Variants in DOCK7 observed in about 807,000 individuals in gnomAD.
DOCK7 encodes the protein dedicator of cytokinesis 7.
Under a neutral mutation model 271.0 loss-of-function variants are expected in DOCK7, and 138 were observed. The ratio of observed to expected loss-of-function variants is 0.51; its 90% CI spans 0.44 to 0.59. DOCK7 has a LOEUF of 0.59. DOCK7 is among the 20% of genes least tolerant of loss of function. DOCK7 has a pLI of 0.00. For synonymous variants in DOCK7, 823 were observed against 876.1 expected (o/e 0.94, Z 1.07); for missense variants, 2,066 against 2,592.4 (o/e 0.80, Z 4.41).
At chr1:62,651,519 GAA>G (rs529180862) in intron 4 of DOCK7, among the ~76,000 whole-genome samples, 1 of 120,870 alleles carries the variant, frequency 8.3e-6, no homozygotes. Context: ...GGGGGAGCCC[GAA>G]AAAAAAAAAA....
At chr1:62,589,119 C>T (rs1340086541) in intron 14 of DOCK7, among the ~76,000 whole-genome samples, 3 of 152,162 alleles carry the variant, frequency 2.0e-5, no homozygotes, top group South Asian at 4.1e-4. Flanking sequence ...ATCTGGAGTA[C>T]ATTTATGAAG....
chr1:62,667,195 G>A (rs540950638), intron 1 of DOCK7, among the ~76,000 whole-genome samples: 2 of 152,184 alleles, frequency 1.3e-5, no homozygotes, highest in African/African-American at 2.4e-5. Context: ...AGTAAAGCCT[G>A]AGAAAAAATG....
intron 1 of DOCK7, among the ~76,000 whole-genome samples, chr1:62,681,808 GAATT>G (rs1661200790): frequency 2.0e-5 from 3 of 152,098 alleles, no homozygotes; most frequent in Non-Finnish European, 4.4e-5. Flanking sequence ...AGAATATCAT[GAATT>G]AATCTCACAA....
chr1:62,648,523 T>C lies in DOCK7; in HGVS notation c.411A>G (p.Gly137=). The C allele has an allele frequency of 2.2e-6, 3 of 1,377,248 alleles. No homozygotes were observed. The highest frequency in any genetic ancestry group is 1.9e-6 in the Non-Finnish European group (2 of 1,033,984). The allele number at this position is 1,377,248 out of a possible 1,614,324, so 85.3% of individuals were successfully genotyped here. A position where few individuals can be genotyped will look rare whatever the true frequency, so the allele number is the denominator to read the frequency against. The change falls in exon 5 of 50, where the codon GGA becomes GGG. Residue 137 remains glycine, a synonymous_variant. Transcript: ENST00000635253. The stretch of plus-strand genomic sequence containing the variant: ...GTTTATCTAATGTATTGGGATTAAA[T>C]CCTGTTCCCAATTTATGATATCTAT... ...VIRKYHKLGT[G]FNPNTLDKQK...
intron 20 of DOCK7, among the ~76,000 whole-genome samples, chr1:62,558,321 TA>T (rs1020412790): frequency 5.9e-5 from 9 of 152,132 alleles, no homozygotes; most frequent in African/African-American, 1.4e-4. Context: ...AAATCTCCCC[TA>T]AAAAAACTCA....
chr1:62,562,859 T>C (rs1646373603), intron 18 of DOCK7, among the ~76,000 whole-genome samples: 1 of 151,990 alleles, frequency 6.6e-6, no homozygotes, highest in South Asian at 2.1e-4. Context: ...AGAAATAATA[T>C]TCCAGCTAGT....
intron 14 of DOCK7, among the ~76,000 whole-genome samples, chr1:62,593,761 A>G (rs1648813540): frequency 6.6e-6 from 1 of 152,164 alleles, no homozygotes. Context: ...GAGACAATTG[A>G]GCACTTGATA....
intron 23 of DOCK7, 61 bp from the exon 24 acceptor site, chr1:62,543,806 C>A (rs1645613277): frequency 6.7e-6 from 8 of 1,202,458 alleles, no homozygotes; most frequent in Non-Finnish European, 9.6e-6. Flanking sequence ...GATGACTTTG[C>A]AGCTGATGGA....
chr1:62,567,239 C>T (rs1646547634), intron 18 of DOCK7, among the ~76,000 whole-genome samples: 1 of 152,198 alleles, frequency 6.6e-6, no homozygotes, highest in African/African-American at 2.4e-5. Context: ...TATAAAGACA[C>T]ATACACACAT....
chr1:62,498,264 G>A (rs1474753143), intron 37 of DOCK7, among the ~76,000 whole-genome samples: 1 of 151,968 alleles, frequency 6.6e-6, no homozygotes, highest in Non-Finnish European at 1.5e-5. Flanking sequence ...CTGTCTTTGT[G>A]TTTGCCCATT....
chr1:62,602,758 C>T (rs1349163085), intron 14 of DOCK7, among the ~76,000 whole-genome samples: 1 of 151,354 alleles, frequency 6.6e-6, no homozygotes, highest in Non-Finnish European at 1.5e-5. Context: ...CTCTCATTAA[C>T]GTTTTACATA....
chr1:62,531,783 AAGATG>A (rs1181268780), intron 29 of DOCK7, among the ~76,000 whole-genome samples: 6 of 152,346 alleles, frequency 3.9e-5, no homozygotes, highest in Admixed American at 1.3e-4. Flanking sequence ...GTAAAATTTA[AAGATG>A]AGATATGAGT....
At chr1:62,562,654 T>G (rs1646366340) in intron 18 of DOCK7, among the ~76,000 whole-genome samples, 1 of 152,012 alleles carries the variant, frequency 6.6e-6, no homozygotes, top group Non-Finnish European at 1.5e-5. Context: ...TAAATGAACA[T>G]AAAGACTGAA....
At chr1:62,576,001 G>C (rs1007400562) in intron 18 of DOCK7, among the ~76,000 whole-genome samples, 1 of 152,026 alleles carries the variant, frequency 6.6e-6, no homozygotes, top group Non-Finnish European at 1.5e-5. Flanking sequence ...GAAAAGATGT[G>C]TCCCTGGAAA....
At chr1:62,624,784 G>T (rs1258267747) in intron 12 of DOCK7, among the ~76,000 whole-genome samples, 1 of 152,028 alleles carries the variant, frequency 6.6e-6, no homozygotes, top group African/African-American at 2.4e-5. Flanking sequence ...GACCAGCCTG[G>T]CCAACATTTA....
chr1:62,644,454 A>T (rs1656393076), intron 7 of DOCK7, among the ~76,000 whole-genome samples: 1 of 152,218 alleles, frequency 6.6e-6, no homozygotes, highest in African/African-American at 2.4e-5. Context: ...CTTGCATGCC[A>T]AGCTCTTTCC....
intron 37 of DOCK7, among the ~76,000 whole-genome samples, chr1:62,500,306 A>G (rs1253542316): frequency 6.6e-6 from 1 of 152,184 alleles, no homozygotes; most frequent in Non-Finnish European, 1.5e-5. Flanking sequence ...TCAGAAAACA[A>G]TAACATATAA....
intron 15 of DOCK7, chr1:62,584,644 A>G: frequency 7.5e-7 from 1 of 1,324,924 alleles, no homozygotes; most frequent in South Asian, 2.0e-5. Flanking sequence ...ACTTTTAATC[A>G]TTTAGCAATA....
Position 62,489,134 on chromosome 1 carries a change from A to G in DOCK7, c.5362-69T>C, listed in dbSNP as rs114326497. 12,343 of 1,391,416 alleles carry G rather than the reference A, an allele frequency of 8.9e-3. 78 individuals carry two copies. The highest frequency in any genetic ancestry group is 0.011 in the Non-Finnish European group (11,214 of 1,033,418). The allele number at this position is 1,391,416 out of a possible 1,614,324, so 86.2% of individuals were successfully genotyped here. On this transcript the variant is annotated intron_variant, in intron 41 of 49. Transcript: ENST00000635253. Reference sequence around the variant, plus strand: ...AATAAGAAAGAAAAGTAATTATATGAATTCGCAATATTTCTATTAAGATAA... The same window carrying G: ...AATAAGAAAGAAAAGTAATTATATGGATTCGCAATATTTCTATTAAGATAA...
Sources: allele counts gnomAD v4.1 joint callset (sites outside exome capture counted in the v4.1 genomes callset), GRCh38; gene constraint gnomAD v4.1.1; transcripts MANE v1.5; gene names NCBI Gene and HGNC (gene_info 2026-07-23, HGNC 2026-07-21).